H4C15: variants seen among roughly 807,000 people sequenced by gnomAD.
H4C15 encodes the protein histone H4.
At chr1:149,844,769 G>A in the H4C15 span, 1 of 151,038 alleles carries the variant, frequency 6.6e-6, no homozygotes, top group Non-Finnish European at 1.5e-5. Flanking sequence ...TTAGTTATTA[G>A]GTATTGTGCT....
chr1:149,844,622 G>A, the H4C15 span: 1 of 152,112 alleles, frequency 6.6e-6, no homozygotes, highest in South Asian at 2.1e-4. Flanking sequence ...GAAAATACAT[G>A]TTAAGCATAC....
At chr1:149,850,166 G>T (rs1372823158), downstream of H4C15, 10 of 628,578 alleles carry the variant, frequency 1.6e-5, no homozygotes, top group Middle Eastern at 7.5e-4. Context: ...CTTACTTATA[G>T]CAATGCCTAT....
chr1:149,850,982 A>G, downstream of H4C15: 1 of 12,312 alleles, frequency 8.1e-5, no homozygotes, highest in African/African-American at 8.1e-3. Context: ...ATCGGGACAA[A>G]ATTTGCTTGA....
the H4C15 span, chr1:149,846,899 A>G: frequency 1.3e-5 from 2 of 152,236 alleles, no homozygotes; most frequent in Non-Finnish European, 2.9e-5. Flanking sequence ...TGCTGCAACA[A>G]ATTACTACAA....
downstream of H4C15, among the ~76,000 whole-genome samples, chr1:149,849,731 G>C (rs2092163974): frequency 6.6e-6 from 1 of 152,218 alleles, no homozygotes; most frequent in African/African-American, 2.4e-5. Flanking sequence ...AGAAAGCGCA[G>C]AAGGTTATCG....
the H4C15 span, chr1:149,844,645 G>A: frequency 6.6e-6 from 1 of 152,088 alleles, no homozygotes; most frequent in Non-Finnish European, 1.5e-5. Context: ...CGGCGTCCTG[G>A]TAGCCCCTTG....
At chr1:149,850,515 G>T, downstream of H4C15, 2 of 831,870 alleles carry the variant, frequency 2.4e-6, no homozygotes, top group Non-Finnish European at 3.8e-6. Context: ...ATGGTGGAGC[G>T]CTTGTTGTAG....
At chr1:149,847,423 T>C in the H4C15 span, 1 of 152,342 alleles carries the variant, frequency 6.6e-6, no homozygotes, top group Admixed American at 6.5e-5. Flanking sequence ...AATTTTGCCT[T>C]CTTTGGAAAC....
the H4C15 span, chr1:149,845,974 G>A: frequency 5.3e-5 from 8 of 152,270 alleles, no homozygotes; most frequent in South Asian, 2.1e-4. Context: ...GGTAAATATC[G>A]AAGTGTAAAT....
At chr1:149,846,977 T>C in the H4C15 span, 1 of 152,236 alleles carries the variant, frequency 6.6e-6, no homozygotes, top group South Asian at 2.1e-4. Context: ...AAATCAATTT[T>C]ACTCGGTAGA....
downstream of H4C15, chr1:149,850,790 GACAC>G (rs1553757749): frequency 0.26 from 31,926 of 124,416 alleles, no homozygotes; most frequent in Admixed American, 0.32. Context: ...ACCCAAGACC[GACAC>G]CGACCCCCGA....
downstream of H4C15, chr1:149,850,189 T>C (rs2092168842): frequency 1.4e-6 from 1 of 691,438 alleles, no homozygotes; most frequent in Non-Finnish European, 2.5e-6. Flanking sequence ...GAAAAGAAAA[T>C]AGTTATCTGT....
chr1:149,846,780 C>T, the H4C15 span: 4 of 152,312 alleles, frequency 2.6e-5, no homozygotes, highest in Admixed American at 2.6e-4. Flanking sequence ...CACATTATTA[C>T]ACCTAACAAA....
the H4C15 span, chr1:149,846,705 G>GCAC: frequency 6.6e-6 from 1 of 152,092 alleles, no homozygotes; most frequent in East Asian, 1.9e-4. Flanking sequence ...AAATATGTTG[G>GCAC]CACTTCTCCC....
chr1:149,847,727 C>T, the H4C15 span: 1 of 152,240 alleles, frequency 6.6e-6, no homozygotes, highest in Non-Finnish European at 1.5e-5. Context: ...ATTGCTTGAA[C>T]CCGGGGCACA....
chr1:149,848,713 G>A, the H4C15 span: 4 of 152,180 alleles, frequency 2.6e-5, no homozygotes, highest in African/African-American at 9.7e-5. Context: ...GGTAAAATGC[G>A]TTTCTGGGAA....
At chr1:149,845,694 T>A in the H4C15 span, 1 of 152,248 alleles carries the variant, frequency 6.6e-6, no homozygotes, top group Non-Finnish European at 1.5e-5. Flanking sequence ...CACAGGCCAC[T>A]GCAGAGATTT....
the H4C15 span, chr1:149,848,421 TC>T: frequency 6.6e-6 from 1 of 152,238 alleles, no homozygotes; most frequent in Non-Finnish European, 1.5e-5. Context: ...GTGGCTCAGT[TC>T]CCTGATTCTC....
chr1:149,846,843 A>G, the H4C15 span: 1 of 152,226 alleles, frequency 6.6e-6, no homozygotes. Flanking sequence ...AATTTCTCCA[A>G]TTATTGAAAA....
Sources: allele counts gnomAD v4.1 joint callset (sites outside exome capture counted in the v4.1 genomes callset), GRCh38; gene constraint gnomAD v4.1.1; transcripts MANE v1.5; gene names NCBI Gene and HGNC (gene_info 2026-07-23, HGNC 2026-07-21).